Variants in DGKB observed in about 807,000 individuals in gnomAD.
DGKB encodes 90 kDa diacylglycerol kinase.
DGKB carries 67 observed loss-of-function variants against 114.3 expected under a neutral mutation model. That is an observed-to-expected ratio of 0.59 (90% confidence interval 0.48 to 0.72). The LOEUF (loss-of-function observed/expected upper bound fraction) is 0.72. Among genes scored for constraint, DGKB ranks in the 30% least tolerant of loss-of-function variants. The pLI is 0.00. For synonymous variants in DGKB, 398 were observed against 323.1 expected, an observed-to-expected ratio of 1.23 and a Z score of -2.49; for missense variants, 907 against 975.2, an observed-to-expected ratio of 0.93 and a Z score of 0.93.
chr7:14,958,465 ACACACACACACC>A (rs1206122377), intron 1 of DGKB, among the ~76,000 whole-genome samples: 1 of 142,866 alleles, frequency 7.0e-6, no homozygotes, highest in Non-Finnish European at 1.6e-5. Context: ...ACACACACAC[ACACACACACACC>A]CCGTCCAGGA....
chr7:14,555,516 C>A (rs1795747346), intron 20 of DGKB, among the ~76,000 whole-genome samples: 2 of 152,118 alleles, frequency 1.3e-5, no homozygotes, highest in Admixed American at 1.3e-4. Context: ...TTAATTTGGG[C>A]AGACTTGATC....
intron 4 of DGKB, among the ~76,000 whole-genome samples, chr7:14,742,274 A>C (rs1832689357): frequency 6.6e-6 from 1 of 152,332 alleles, no homozygotes; most frequent in African/African-American, 2.4e-5. Flanking sequence ...AGATTGGCAA[A>C]TGAAAAATCT....
rs969486165 is a variant in DGKB, at chr7:14,398,706, A to C, written c.1836-53315T>G. ...GATTAGAAGCTCATCAAGGGGATGG[A>C]ATCAGAGTGAACAGTTGTTGGCATT... On this transcript the variant is annotated intron_variant, in intron 21 of 25. Coordinates refer to ENST00000402815, the MANE Select transcript of DGKB (RefSeq NM_001350709.2). Among the ~76,000 whole-genome samples, 3 of 152,042 alleles carry C rather than the reference A, an allele frequency of 2.0e-5. No homozygotes were observed. In the South Asian group the frequency reaches 6.2e-4, roughly 32 times the overall value.
At chr7:14,436,007 CA>C (rs1209317682) in intron 21 of DGKB, among the ~76,000 whole-genome samples, 2 of 151,906 alleles carry the variant, frequency 1.3e-5, no homozygotes, top group Non-Finnish European at 2.9e-5. Context: ...CTTTTTGGCA[CA>C]AAATATTTCA....
rs377418829 is a variant in DGKB at position 14,806,707 on chromosome 7, T to C, written c.70+34487A>G. On this transcript the variant is annotated intron_variant, in intron 2 of 25. Coordinates refer to ENST00000402815, the MANE Select transcript of DGKB (RefSeq NM_001350709.2). The stretch of plus-strand genomic sequence containing the variant: ...TCTTTTTCTAGACAATGAATATCTG[T>C]TATATTTGCCTATTTGGTATTCATA... Among the ~76,000 whole-genome samples, 10 of 152,158 alleles carry C rather than the reference T, an allele frequency of 6.6e-5. No homozygotes were observed. The East Asian group carries it at 1.9e-3, about 29-fold the overall frequency.
intron 23 of DGKB, among the ~76,000 whole-genome samples, chr7:14,196,972 T>C (rs555626028): frequency 6.6e-6 from 1 of 152,214 alleles, no homozygotes; most frequent in East Asian, 1.9e-4. Flanking sequence ...TCATGACTAA[T>C]CGTAGTGTGA....
In DGKB at chr7:14,411,788, T is replaced by C. The variant is rs1824923245; in HGVS notation, c.1835+66373A>G. 1.9e-4 allele frequency among the ~76,000 whole-genome samples: 2 copies of C among 10,632 alleles called. 1 individual carries two copies. 7.0% of individuals were successfully genotyped at this position (10,632 alleles called of 152,430 possible). A position where few individuals can be genotyped will look rare whatever the true frequency, so the allele number is the denominator to read the frequency against. The stretch of plus-strand genomic sequence containing the variant: ...TCTTTCTTTTTTTTCTGGAAATAAT[T>C]ATAGATACAAAGAAAGCTCTGTATA... On this transcript the variant is annotated intron_variant, in intron 21 of 25. Transcript: ENST00000402815.
chr7:14,966,417 G>C (rs1787151087), intron 1 of DGKB, among the ~76,000 whole-genome samples: 2 of 151,790 alleles, frequency 1.3e-5, no homozygotes, highest in Non-Finnish European at 2.9e-5. Flanking sequence ...AATGGTGGAA[G>C]TTTCAAGGGA....
At position 14,636,807 on chromosome 7, in the gene DGKB, C is replaced by T. The variant is rs927657647; in HGVS notation, c.1135-6539G>A. Among the ~76,000 whole-genome samples, 15 of 151,932 alleles carry T rather than the reference C, an allele frequency of 9.9e-5. No individual in the cohort carries two copies. In the East Asian group the frequency reaches 1.2e-3, roughly 12 times the overall value. On this transcript the variant is annotated intron_variant, in intron 13 of 25. Coordinates refer to ENST00000402815, the MANE Select transcript of DGKB (RefSeq NM_001350709.2). ...CAAAATTGCTTAGGAGACAACAATTCGAAAAGCCCAGATTTGTGAAAACAC... is the reference window on the plus strand; with the variant it reads ...CAAAATTGCTTAGGAGACAACAATTTGAAAAGCCCAGATTTGTGAAAACAC...
chr7:14,734,591 C>A (rs1038581725), intron 5 of DGKB, among the ~76,000 whole-genome samples: 7 of 152,188 alleles, frequency 4.6e-5, no homozygotes, highest in Non-Finnish European at 8.8e-5. Context: ...ACCCAGCTGT[C>A]TTCCATGAAG....
intron 1 of DGKB, among the ~76,000 whole-genome samples, chr7:14,963,245 TA>T (rs1188137859): frequency 6.6e-6 from 1 of 152,088 alleles, no homozygotes; most frequent in Non-Finnish European, 1.5e-5. Context: ...TATATAAAAC[TA>T]AATAGTTGCT....
intron 20 of DGKB, among the ~76,000 whole-genome samples, chr7:14,496,653 A>T (rs1005017840): frequency 6.6e-6 from 1 of 151,824 alleles, no homozygotes; most frequent in East Asian, 1.9e-4. Flanking sequence ...TCTTCCCTTA[A>T]CTACTCATTT....
chr7:14,963,748 C>T (rs1463320274), intron 1 of DGKB, among the ~76,000 whole-genome samples: 1 of 151,986 alleles, frequency 6.6e-6, no homozygotes, highest in Non-Finnish European at 1.5e-5. Flanking sequence ...GTGCTAAATT[C>T]CCATTTCTCA....
chr7:14,303,410 T>C (rs1585026110), intron 23 of DGKB, among the ~76,000 whole-genome samples: 1 of 152,136 alleles, frequency 6.6e-6, no homozygotes, highest in Admixed American at 6.6e-5. Context: ...AAAATCAATA[T>C]TTAGCCTTAA....
chr7:14,275,796 T>A (rs1318330449), intron 23 of DGKB, among the ~76,000 whole-genome samples: 1 of 152,204 alleles, frequency 6.6e-6, no homozygotes, highest in Non-Finnish European at 1.5e-5. Flanking sequence ...TCTCTAAAAC[T>A]AATTCATAAT....
chr7:14,735,535 C>G (rs965107293), intron 5 of DGKB, among the ~76,000 whole-genome samples: 2 of 152,158 alleles, frequency 1.3e-5, no homozygotes, highest in Non-Finnish European at 2.9e-5. Context: ...AAGTATGCAT[C>G]TCTAAAAAGC....
chr7:14,404,618 G>A (rs1190152076), intron 21 of DGKB, among the ~76,000 whole-genome samples: 1 of 151,866 alleles, frequency 6.6e-6, no homozygotes, highest in Non-Finnish European at 1.5e-5. Context: ...CTGCAGCCTC[G>A]TTTTGAAACA....
intron 23 of DGKB, among the ~76,000 whole-genome samples, chr7:14,311,923 A>T (rs1805452843): frequency 1.3e-5 from 2 of 152,178 alleles, no homozygotes. Context: ...CAACTATAAA[A>T]ATATGGATAG....
intron 17 of DGKB, among the ~76,000 whole-genome samples, chr7:14,596,501 T>C (rs1341178246): frequency 6.6e-6 from 1 of 152,162 alleles, no homozygotes; most frequent in Non-Finnish European, 1.5e-5. Flanking sequence ...GGGATATGCC[T>C]GGAAGTCATT....
Sources: allele counts gnomAD v4.1 joint callset (sites outside exome capture counted in the v4.1 genomes callset), GRCh38; gene constraint gnomAD v4.1.1; transcripts MANE v1.5; gene names NCBI Gene and HGNC (gene_info 2026-07-23, HGNC 2026-07-21).